Variants in TAOK1 observed in about 807,000 individuals in gnomAD.
The protein encoded by TAOK1 is TAO kinase 1, also known as serine/threonine-protein kinase TAO1.
In TAOK1, 21 loss-of-function variants were observed where a neutral mutation model predicts 138.3. The observed-to-expected ratio is 0.15, with a 90% CI of 0.11 to 0.22. TAOK1 has a LOEUF of 0.22. Ranked by LOEUF, TAOK1 falls within the 10% of genes least tolerant of loss-of-function variation. The pLI, the probability that TAOK1 is intolerant of heterozygous loss-of-function variation, is 1.00. For synonymous variants in TAOK1, 361 were observed against 398.4 expected, an observed-to-expected ratio of 0.91 and a Z score of 1.12; for missense variants, 651 against 1,227.7, an observed-to-expected ratio of 0.53 and a Z score of 7.02.
Position 29,522,374 on chromosome 17 carries a change from A to G in TAOK1, c.2003A>G (p.Asn668Ser), listed in dbSNP as rs1176021951. Residue 668 changes from asparagine (N) to serine (S), a missense_variant, in exon 17 of 20, where the codon AAC (asparagine) becomes AGC (serine). Physicochemically the swap from Asn to Ser is conservative, Grantham distance 46. Coordinates refer to ENST00000261716, the MANE Select transcript of TAOK1 (RefSeq NM_020791.4). ...SMQELEFRHLNTIQKMRCELI... is the reference protein window; with the variant it reads ...SMQELEFRHLSTIQKMRCELI... ...CAAGAACTGGAGTTCCGCCACCTCA[A>G]CACAATTCAGAAGATGCGCTGTGAG... The G allele has an allele frequency of 2.5e-6, 4 of 1,614,070 alleles. No homozygotes were observed. The highest frequency in any genetic ancestry group is 1.1e-5 in the South Asian group (1 of 91,092).
At position 29,495,622 on chromosome 17, in the gene TAOK1, G is replaced by A. The variant is rs1437630790; in HGVS notation, c.894G>A (p.Lys298=). ...TAATAGATCTCATTCAGAGGACAAA[G>A]GATGCAGTAAGAGAGCTGGACAATC... ...TVLIDLIQRT[K]DAVRELDNLQ... is the part of the protein sequence containing the mutation. Residue 298 remains lysine (K), a synonymous_variant, in exon 11 of 20, where the codon AAG becomes AAA. Coordinates refer to ENST00000261716, the MANE Select transcript of TAOK1 (RefSeq NM_020791.4). 2 of 1,611,786 alleles carry A rather than the reference G, an allele frequency of 1.2e-6. No individual in the cohort carries two copies. Among genetic ancestry groups the A allele is most frequent in the Admixed American group, 1.7e-5 (1 of 60,002 alleles).
intron 3 of TAOK1, among the ~76,000 whole-genome samples, chr17:29,467,541 G>A (rs1413801788): frequency 3.3e-5 from 5 of 152,216 alleles, no homozygotes; most frequent in Non-Finnish European, 7.4e-5. Flanking sequence ...CAAAGTGCTG[G>A]GATTACAGGC....
chr17:29,514,610 C>T lies in TAOK1; in HGVS notation c.1705-2843C>T, dbSNP rs180850201. On this transcript the variant is annotated intron_variant, in intron 15 of 19. Coordinates refer to ENST00000261716, the MANE Select transcript of TAOK1 (RefSeq NM_020791.4). ...CTCCTGGGCTCAAGCAATCCTCCGG[C>T]CTTGGCGTCCCAAAATGCTGGGATT... 12 of 152,254 alleles carry T rather than the reference C, an allele frequency of 7.9e-5. No homozygotes were observed. In the East Asian group the frequency reaches 2.1e-3, roughly 27 times the overall value. The allele number at this position is 152,254 out of a possible 1,614,324, so 9.4% of individuals were successfully genotyped here.
chr17:29,488,611 G>A (rs1382905833), intron 8 of TAOK1, among the ~76,000 whole-genome samples: 1 of 117,880 alleles, frequency 8.5e-6, no homozygotes, highest in African/African-American at 3.1e-5. Flanking sequence ...AATAATAATT[G>A]TTAATTTTTT....
At chr17:29,417,212 G>A (rs932333128) in intron 1 of TAOK1, among the ~76,000 whole-genome samples, 1 of 152,010 alleles carries the variant, frequency 6.6e-6, no homozygotes, top group Non-Finnish European at 1.5e-5. Flanking sequence ...AAGGGGTTTT[G>A]CCATGTTGGC....
chr17:29,399,979 G>T (rs1276140996), intron 1 of TAOK1, among the ~76,000 whole-genome samples: 1 of 152,112 alleles, frequency 6.6e-6, no homozygotes, highest in African/African-American at 2.4e-5. Flanking sequence ...TGATCCTTCT[G>T]CCTTGTTCTC....
intron 15 of TAOK1, chr17:29,514,713 C>G (rs2031782138): frequency 6.6e-6 from 1 of 151,444 alleles, no homozygotes. Flanking sequence ...GTATCAAGGC[C>G]AGAGTGGTGG....
chr17:29,467,964 T>G (rs1330847349), intron 3 of TAOK1, among the ~76,000 whole-genome samples: 1 of 150,482 alleles, frequency 6.6e-6, no homozygotes, highest in Admixed American at 6.6e-5. Context: ...GTATCTGGGA[T>G]TACAGTTGTG....
intron 19 of TAOK1, among the ~76,000 whole-genome samples, chr17:29,536,171 C>A (rs549822856): frequency 6.6e-6 from 1 of 151,984 alleles, no homozygotes; most frequent in African/African-American, 2.4e-5. Context: ...TGGTGGCAGG[C>A]GCCTGTAATC....
In TAOK1 at chr17:29,502,631, G is replaced by A. The variant is rs772121342; in HGVS notation, c.1246G>A (p.Ala416Thr). 1.1e-5 allele frequency: 17 copies of A among 1,613,240 alleles called. No homozygotes were observed. Among genetic ancestry groups the A allele is most frequent in the East Asian group, 4.5e-5 (2 of 44,848 alleles). Residue 416 changes from alanine (A) to threonine (T), a missense_variant, in exon 13 of 20, where the codon GCA (alanine) becomes ACA (threonine). Ala to Thr is a moderately conservative substitution (Grantham distance 58). Around this residue, in one of 8 missense-constraint regions of TAOK1, gnomAD observed 104 missense variants for 151.7 expected, o/e 0.69. Transcript: ENST00000261716. The part of the protein sequence containing the change: ...YREEGDPRTR[A>T]SDPQSPPQVS... ...AGAAGAGGGAGATCCTAGAACAAGA[G>A]CATCAGATCCACAATCTCCACCCCA... is the stretch of plus-strand genomic sequence containing the variant.
chr17:29,543,146 T>C lies in TAOK1; in HGVS notation c.*124T>C. 1 of 798,354 alleles carries C rather than the reference T, an allele frequency of 1.3e-6. No homozygotes were observed. Among genetic ancestry groups the C allele is most frequent in the South Asian group, 2.5e-5 (1 of 39,358 alleles). The allele number at this position is 798,354 out of a possible 1,614,324, so 49.5% of individuals were successfully genotyped here. ...TGGAAGCTGAGTGCATATGGTATAT[T>C]TTATTCATTTTTGTAAAGCGTTCTG... On this transcript the variant is annotated 3_prime_UTR_variant, in exon 20 of 20. Transcript: ENST00000261716.
intron 15 of TAOK1, among the ~76,000 whole-genome samples, chr17:29,515,442 G>T (rs371904989): frequency 3.3e-5 from 5 of 152,274 alleles, no homozygotes; most frequent in East Asian, 3.9e-4. Flanking sequence ...GTACTTCGAA[G>T]TTAGGAACCA....
chr17:29,539,830 C>A (rs183331585), intron 19 of TAOK1, among the ~76,000 whole-genome samples: 104 of 151,684 alleles, frequency 6.9e-4, no homozygotes, highest in Non-Finnish European at 1.3e-3. Flanking sequence ...CAGCGAGCCA[C>A]GATCGCGCCA....
chr17:29,504,030 G>A (rs2031579958), intron 13 of TAOK1, among the ~76,000 whole-genome samples: 1 of 151,746 alleles, frequency 6.6e-6, no homozygotes, highest in African/African-American at 2.4e-5. Flanking sequence ...AGAATCGCTT[G>A]AACCCGGGAG....
At chr17:29,452,398 T>C (rs1341117818) in intron 2 of TAOK1, among the ~76,000 whole-genome samples, 1 of 152,214 alleles carries the variant, frequency 6.6e-6, no homozygotes, top group Non-Finnish European at 1.5e-5. Flanking sequence ...TTTCTACTTC[T>C]GTAAAGTCCC....
chr17:29,507,261 G>GT (rs953878009), intron 13 of TAOK1, among the ~76,000 whole-genome samples: 120 of 144,016 alleles, frequency 8.3e-4, no homozygotes, highest in Admixed American at 1.0e-3. Flanking sequence ...TTAAATTGAG[G>GT]TTTTTTTTTT....
chr17:29,418,170 A>AAT (rs1905314690), intron 1 of TAOK1, among the ~76,000 whole-genome samples: 1 of 152,046 alleles, frequency 6.6e-6, no homozygotes, highest in East Asian at 1.9e-4. Flanking sequence ...TACAGGCATG[A>AAT]GCCACTGTGC....
At position 29,514,045 on chromosome 17, in the gene TAOK1, TG is replaced by T. The variant is rs1183500262; in HGVS notation, c.1704+3054del. The stretch of plus-strand genomic sequence containing the variant: ...CAAGAGGGTGAGGCAGGAGAATCCC[TG>T]TAACTTGGAAGGTGGAGGTTGCAGT... On this transcript the variant is annotated intron_variant, in intron 15 of 19. Transcript: ENST00000261716. The T allele has an allele frequency of 2.0e-5, 3 of 152,134 alleles. 1 individual carries two copies. The highest frequency in any genetic ancestry group is 7.2e-5 in the African/African-American group (3 of 41,418). The allele number at this position is 152,134 out of a possible 1,614,324, so 9.4% of individuals were successfully genotyped here. A position where few individuals can be genotyped will look rare whatever the true frequency, so the allele number is the denominator to read the frequency against.
At chr17:29,401,100 A>G (rs1021987388) in intron 1 of TAOK1, among the ~76,000 whole-genome samples, 1 of 151,680 alleles carries the variant, frequency 6.6e-6, no homozygotes, top group Non-Finnish European at 1.5e-5. Flanking sequence ...TTTTTTGTGC[A>G]GACAGGGTCT....
Sources: gnomAD v4.1 joint callset for allele counts (sites outside exome capture counted in the v4.1 genomes callset) on GRCh38, gnomAD v4.1.1 for gene constraint, gnomAD v4.1.1 regional missense constraint, MANE v1.5 for transcripts, NCBI Gene and HGNC (gene_info 2026-07-23, HGNC 2026-07-21) for gene names.